KHDRBS2: variants seen among roughly 807,000 people sequenced by gnomAD.
KHDRBS2 encodes KH RNA binding domain containing, signal transduction associated 2.
A neutral mutation model predicts 44.3 loss-of-function variants in KHDRBS2; 26 were observed. The observed-to-expected ratio is 0.59, with a 90% confidence interval of 0.43 to 0.81. The LOEUF (loss-of-function observed/expected upper bound fraction) is 0.81, where lower values mean the gene tolerates loss of function less well. Ranked by LOEUF, KHDRBS2 falls within the 40% of genes least tolerant of loss-of-function variation. The pLI is 0.00. For synonymous variants in KHDRBS2, 194 were observed against 151.1 expected, an observed-to-expected ratio of 1.28 and a Z score of -2.08; for missense variants, 476 against 433.1, an observed-to-expected ratio of 1.10 and a Z score of -0.88.
chr6:62,273,438 A>C (rs1447200467), intron 1 of KHDRBS2, among the ~76,000 whole-genome samples: 2 of 152,288 alleles, frequency 1.3e-5, no homozygotes, highest in East Asian at 3.9e-4. Flanking sequence ...GCAACATTTG[A>C]AAATATTGAA....
chr6:61,661,751 T>G, the KHDRBS2 span, among the ~76,000 whole-genome samples: 3 of 151,692 alleles, frequency 2.0e-5, no homozygotes, highest in African/African-American at 7.3e-5. Flanking sequence ...TAAAAGAGGA[T>G]ACAAACAAAT....
chr6:62,015,799 T>C (rs966761084), intron 3 of KHDRBS2, among the ~76,000 whole-genome samples: 1 of 152,200 alleles, frequency 6.6e-6, no homozygotes, highest in African/African-American at 2.4e-5. Flanking sequence ...ATCAGAAAAT[T>C]AGATGGATTT....
At chr6:61,616,510 T>C in the KHDRBS2 span, among the ~76,000 whole-genome samples, 1 of 150,578 alleles carries the variant, frequency 6.6e-6, no homozygotes, top group Non-Finnish European at 1.5e-5. Context: ...ATGCTATTGC[T>C]TTCTAAACCA....
intron 2 of KHDRBS2, among the ~76,000 whole-genome samples, chr6:62,117,263 T>C (rs1806487308): frequency 6.6e-6 from 1 of 152,130 alleles, no homozygotes; most frequent in African/African-American, 2.4e-5. Context: ...TGCCAGCATA[T>C]GTTGTTTTTT....
chr6:61,585,420 A>G, the KHDRBS2 span, among the ~76,000 whole-genome samples: 1 of 152,128 alleles, frequency 6.6e-6, no homozygotes, highest in Non-Finnish European at 1.5e-5. Flanking sequence ...ACAAGGAAAT[A>G]CAAGGAAAGT....
chr6:61,648,974 T>C, the KHDRBS2 span, among the ~76,000 whole-genome samples: 1 of 152,034 alleles, frequency 6.6e-6, no homozygotes, highest in Non-Finnish European at 1.5e-5. Flanking sequence ...CCAGGGTATA[T>C]CTTTCTGAGC....
intron 4 of KHDRBS2, among the ~76,000 whole-genome samples, chr6:61,950,971 G>A (rs1355900853): frequency 6.6e-6 from 1 of 152,062 alleles, no homozygotes; most frequent in East Asian, 1.9e-4. Context: ...AATGCTGAGA[G>A]CTAAGCTGTA....
At chr6:62,264,325 A>C (rs1838834606) in intron 1 of KHDRBS2, among the ~76,000 whole-genome samples, 1 of 151,898 alleles carries the variant, frequency 6.6e-6, no homozygotes, top group Non-Finnish European at 1.5e-5. Flanking sequence ...GTGACATGTC[A>C]AACCAAAAAT....
rs114690415 is a variant in KHDRBS2 at position 62,141,922 on chromosome 6, C to T, written c.219+35263G>A. Among the ~76,000 whole-genome samples the T allele has an allele frequency of 1.6e-3, 247 of 152,074 alleles. 1 individual carries two copies. Among genetic ancestry groups the T allele is most frequent in the African/African-American group, 5.8e-3 (240 of 41,502 alleles). ...TCCTGGGCTTAAAAATATGCCTTTCCTAAGCTTTATCAAACACTATATGAA... is the reference window on the plus strand; with the variant it reads ...TCCTGGGCTTAAAAATATGCCTTTCTTAAGCTTTATCAAACACTATATGAA... On this transcript the variant is annotated intron_variant, in intron 2 of 8. Coordinates refer to ENST00000281156, the MANE Select transcript of KHDRBS2 (RefSeq NM_152688.4).
At chr6:62,226,485 G>A (rs1459726122) in intron 1 of KHDRBS2, among the ~76,000 whole-genome samples, 1 of 152,092 alleles carries the variant, frequency 6.6e-6, no homozygotes, top group Non-Finnish European at 1.5e-5. Context: ...TCTGTAGGTT[G>A]CCTGTTCACT....
intron 6 of KHDRBS2, among the ~76,000 whole-genome samples, chr6:61,885,169 A>G (rs1800766874): frequency 6.6e-6 from 1 of 152,114 alleles, no homozygotes; most frequent in African/African-American, 2.4e-5. Context: ...TCATCTTCTA[A>G]TATGACAATG....
chr6:62,128,673 T>A (rs908531147), intron 2 of KHDRBS2, among the ~76,000 whole-genome samples: 3 of 151,840 alleles, frequency 2.0e-5, no homozygotes, highest in African/African-American at 7.3e-5. Context: ...GCTTTAATTT[T>A]TTTTTGTTCA....
At chr6:62,284,920 C>T (rs1258795570) in intron 1 of KHDRBS2, among the ~76,000 whole-genome samples, 1 of 152,060 alleles carries the variant, frequency 6.6e-6, no homozygotes, top group African/African-American at 2.4e-5. Flanking sequence ...CCATAACAAA[C>T]TTAGCTACAA....
intron 2 of KHDRBS2, among the ~76,000 whole-genome samples, chr6:62,090,893 A>G (rs1318781391): frequency 2.0e-5 from 3 of 152,202 alleles, no homozygotes; most frequent in South Asian, 2.1e-4. Context: ...CAAGTGTCAC[A>G]GGGAATATGG....
chr6:62,090,303 A>G (rs1479578456), intron 2 of KHDRBS2, among the ~76,000 whole-genome samples: 1 of 152,214 alleles, frequency 6.6e-6, no homozygotes, highest in Non-Finnish European at 1.5e-5. Flanking sequence ...GCTAGTTTTA[A>G]GGGCCCAAGC....
At chr6:61,968,135 C>T (rs781233384) in intron 4 of KHDRBS2, among the ~76,000 whole-genome samples, 1 of 151,660 alleles carries the variant, frequency 6.6e-6, no homozygotes, top group Non-Finnish European at 1.5e-5. Flanking sequence ...CTGAGAATAA[C>T]CAATGATATA....
intron 5 of KHDRBS2, 36 bp from the exon 6 acceptor site, chr6:61,894,869 G>A: frequency 1.3e-6 from 2 of 1,491,768 alleles, no homozygotes; most frequent in Non-Finnish European, 1.8e-6. Flanking sequence ...TGAGAAACAG[G>A]TGATGAGAGA....
chr6:61,878,230 C>A (rs1282081098), intron 6 of KHDRBS2, among the ~76,000 whole-genome samples: 1 of 151,946 alleles, frequency 6.6e-6, no homozygotes, highest in Non-Finnish European at 1.5e-5. Context: ...TGAAGTACAG[C>A]TTTTCTCAGA....
chr6:61,763,404 T>G (rs1490453762), intron 6 of KHDRBS2, among the ~76,000 whole-genome samples: 1 of 152,186 alleles, frequency 6.6e-6, no homozygotes, highest in Non-Finnish European at 1.5e-5. Flanking sequence ...CAGATTTTAT[T>G]GTGAAGAATT....
Sources: allele counts gnomAD v4.1 joint callset (sites outside exome capture counted in the v4.1 genomes callset), GRCh38; gene constraint gnomAD v4.1.1; transcripts MANE v1.5; gene names NCBI Gene and HGNC (gene_info 2026-07-23, HGNC 2026-07-21).